The following NECAP2 variants were observed in gnomAD, a reference collection of about 807,000 sequenced individuals.
NECAP2 encodes NECAP endocytosis associated 2, also known as adaptin ear-binding coat-associated protein 2.
NECAP2 carries 38 observed loss-of-function variants against 37.8 expected under a neutral mutation model. That is an observed-to-expected ratio of 1.01 (90% CI 0.78 to 1.32). The LOEUF (loss-of-function observed/expected upper bound fraction) is 1.32. NECAP2 is among the 40% of genes most tolerant of loss of function. The pLI is 0.00. For synonymous variants in NECAP2, 121 were observed against 127.7 expected (o/e 0.95, Z 0.35); for missense variants, 316 against 334.5 (o/e 0.94, Z 0.43).
At chr1:16,452,094 C>A (rs2086853021) in intron 6 of NECAP2, 79 bp downstream of exon 6, 1 of 1,398,230 alleles carries the variant, frequency 7.2e-7, no homozygotes, top group African/African-American at 1.4e-5. Context: ...CATGGTTTCC[C>A]CCCCGTTACA....
rs921948736 is a variant in NECAP2, at chr1:16,451,896, G to A, written c.548G>A (p.Gly183Glu). Residue 183 changes from glycine to glutamate, a missense_variant, in exon 6 of 8, where the codon GGA (glycine) becomes GAA (glutamate). Physicochemically the swap from Gly to Glu is moderately conservative, Grantham distance 98. Transcript: ENST00000337132. ...CCCCGAGTCCGGCCTGCCAGCACAG[G>A]AGGGCTGAGCCTGCTTCCCCCTCCC... is the stretch of plus-strand genomic sequence containing the variant. ...GNPRVRPASTGGLSLLPPPPG... is the reference protein window; with the variant it reads ...GNPRVRPASTEGLSLLPPPPG... The A allele has an allele frequency of 1.2e-5, 19 of 1,614,046 alleles. No homozygotes were observed. Among genetic ancestry groups the A allele is most frequent in the Non-Finnish European group, 1.6e-5 (19 of 1,180,002 alleles).
intron 7 of NECAP2, among the ~76,000 whole-genome samples, chr1:16,458,476 A>G (rs2086961028): frequency 6.6e-6 from 1 of 152,056 alleles, no homozygotes; most frequent in South Asian, 2.1e-4. Flanking sequence ...ATGTAGTTCC[A>G]GCTACTAGGG....
Position 16,444,452 on chromosome 1 carries a change from G to A in NECAP2, c.193+720G>A, listed in dbSNP as rs376916680. Reference sequence around the variant, plus strand: ...AAGAGAAAGTGCAAAAGTTTAGAGAGAGAACTGGCTGCCTCTTCTCAGAAC... The same window carrying A: ...AAGAGAAAGTGCAAAAGTTTAGAGAAAGAACTGGCTGCCTCTTCTCAGAAC... On this transcript the variant is annotated intron_variant, in intron 2 of 7. Coordinates refer to ENST00000337132, the MANE Select transcript of NECAP2 (RefSeq NM_018090.5). Among the ~76,000 whole-genome samples the A allele has an allele frequency of 7.6e-4, 116 of 152,334 alleles. 1 individual carries two copies. The highest frequency in any genetic ancestry group is 2.6e-3 in the African/African-American group (110 of 41,572).
At chr1:16,444,467 C>T (rs2086732914) in intron 2 of NECAP2, among the ~76,000 whole-genome samples, 1 of 152,224 alleles carries the variant, frequency 6.6e-6, no homozygotes, top group African/African-American at 2.4e-5. Flanking sequence ...CTGGCTGCCT[C>T]TTCTCAGAAC....
intron 6 of NECAP2, among the ~76,000 whole-genome samples, chr1:16,452,703 G>A (rs903158077): frequency 3.9e-5 from 6 of 152,134 alleles, no homozygotes; most frequent in South Asian, 2.1e-4. Flanking sequence ...TTCCGGAAGC[G>A]AGTGTCTAGT....
At position 16,446,957 on chromosome 1, in the gene NECAP2, G is replaced by A. The variant is rs561798592; in HGVS notation, c.194-913G>A. ...TGCCTGTAATCCCAGCTACTTGGGA[G>A]GCTGAGGCAGGAGAATCACTTGAAC... On this transcript the variant is annotated intron_variant, in intron 2 of 7. Transcript: ENST00000337132. Among the ~76,000 whole-genome samples the A allele has an allele frequency of 1.3e-4, 20 of 152,080 alleles. 3 individuals carry two copies. The South Asian group carries it at 3.1e-3, about 24-fold the overall frequency.
At chr1:16,451,555 C>A (rs771982663) in intron 5 of NECAP2, 1 of 421,790 alleles carries the variant, frequency 2.4e-6, no homozygotes, top group Non-Finnish European at 4.2e-6. Context: ...TACATTTTAG[C>A]CATTCTGGTG....
intron 6 of NECAP2, among the ~76,000 whole-genome samples, chr1:16,454,287 GA>G (rs1374237583): frequency 6.6e-6 from 1 of 151,520 alleles, no homozygotes; most frequent in African/African-American, 2.4e-5. Flanking sequence ...TTGAACTCCT[GA>G]CCTCAGGTGA....
intron 7 of NECAP2, among the ~76,000 whole-genome samples, chr1:16,457,899 C>A (rs779584526): frequency 6.6e-6 from 1 of 151,556 alleles, no homozygotes; most frequent in Non-Finnish European, 1.5e-5. Context: ...TTAGTAGAGG[C>A]GGGGTTTTGC....
intron 2 of NECAP2, among the ~76,000 whole-genome samples, chr1:16,446,262 T>C (rs771743174): frequency 3.3e-5 from 5 of 152,062 alleles, no homozygotes; most frequent in Admixed American, 6.5e-5. Context: ...GTAGAAGATA[T>C]ATGGTTAAAT....
chr1:16,442,563 C>T (rs2086704296), intron 1 of NECAP2, among the ~76,000 whole-genome samples: 1 of 152,214 alleles, frequency 6.6e-6, no homozygotes. Flanking sequence ...CCTGGAAACA[C>T]CTGCGGTTCT....
At chr1:16,449,277 A>T (rs543064151) in intron 5 of NECAP2, 76 bp downstream of exon 5, 1 of 947,672 alleles carries the variant, frequency 1.1e-6, no homozygotes, top group South Asian at 1.5e-5. Flanking sequence ...TGCTCTTCTT[A>T]CAGTTCAGCT....
intron 7 of NECAP2, 83 bp downstream of exon 7, chr1:16,455,976 C>A: frequency 1.0e-6 from 1 of 985,154 alleles, no homozygotes; most frequent in Non-Finnish European, 1.6e-6. Context: ...TGCCTGCCTT[C>A]TGGTGTTAGG....
Position 16,440,995 on chromosome 1 carries a change from G to C in NECAP2, c.92+142G>C, listed in dbSNP as rs575953641. The stretch of plus-strand genomic sequence containing the variant: ...AATGCTGCTGCTTCTTCCAGTTCCA[G>C]GCCCGAGCAGGGAGGTGGATCCAGA... On this transcript the variant is annotated intron_variant, in intron 1 of 7. Coordinates refer to ENST00000337132, the MANE Select transcript of NECAP2 (RefSeq NM_018090.5). 3.4e-5 allele frequency: 23 copies of C among 666,844 alleles called. No homozygotes were observed. In the African/African-American group the frequency reaches 3.9e-4, roughly 11 times the overall value. The allele number at this position is 666,844 out of a possible 1,614,324, so 41.3% of individuals were successfully genotyped here.
intron 5 of NECAP2, chr1:16,449,543 G>A (rs754181668): frequency 2.9e-4 from 77 of 261,350 alleles, no homozygotes; most frequent in Admixed American, 7.5e-4. Context: ...GTAGGCAAGG[G>A]AAGAGTGATC....
intron 6 of NECAP2, among the ~76,000 whole-genome samples, chr1:16,455,038 G>A (rs1180255916): frequency 6.6e-6 from 1 of 152,202 alleles, no homozygotes; most frequent in African/African-American, 2.4e-5. Context: ...GTTCACAGAA[G>A]ATAATGTGCC....
intron 6 of NECAP2, among the ~76,000 whole-genome samples, chr1:16,453,318 A>G (rs2086873341): frequency 6.6e-6 from 1 of 151,874 alleles, no homozygotes. Context: ...CATGTTGGTC[A>G]GGCTGGTCTT....
At chr1:16,443,478 T>C (rs2086717906) in intron 1 of NECAP2, among the ~76,000 whole-genome samples, 154 bp from the exon 2 acceptor site, 1 of 152,262 alleles carries the variant, frequency 6.6e-6, no homozygotes, top group Non-Finnish European at 1.5e-5. Flanking sequence ...TGACAGGCTG[T>C]GTGGCCTGTA....
chr1:16,454,157 T>C (rs1240830911), intron 6 of NECAP2, among the ~76,000 whole-genome samples: 1 of 151,590 alleles, frequency 6.6e-6, no homozygotes, highest in Non-Finnish European at 1.5e-5. Flanking sequence ...CTTCCTGGGT[T>C]CAAGCGACTC....
Sources: gnomAD v4.1 joint callset for allele counts (sites outside exome capture counted in the v4.1 genomes callset) on GRCh38, gnomAD v4.1.1 for gene constraint, MANE v1.5 for transcripts, NCBI Gene and HGNC (gene_info 2026-07-23, HGNC 2026-07-21) for gene names.